Variants in CARD19 observed in about 807,000 individuals in gnomAD.
CARD19 encodes caspase recruitment domain family member 19, also known as caspase recruitment domain-containing protein 19.
Under a neutral mutation model 24.1 loss-of-function variants are expected in CARD19, and 25 were observed. The ratio of observed to expected loss-of-function variants is 1.04; its 90% CI spans 0.76 to 1.45. The LOEUF (loss-of-function observed/expected upper bound fraction) is 1.45. Among genes scored for constraint, CARD19 ranks in the 40% most tolerant of loss-of-function variants. The pLI is 0.00. For synonymous variants in CARD19, 103 were observed against 104.9 expected, an observed-to-expected ratio of 0.98 and a Z score of 0.11; for missense variants, 241 against 247.4, an observed-to-expected ratio of 0.97 and a Z score of 0.17.
At chr9:93,110,922 A>T (rs1827455775) in intron 3 of CARD19, 2 of 1,532,454 alleles carry the variant, frequency 1.3e-6, no homozygotes, top group Non-Finnish European at 1.7e-6. Flanking sequence ...GGCAGTGCAG[A>T]TGTTGGTCTC....
At position 93,098,265 on chromosome 9, in the gene CARD19, T is replaced by A. The variant is rs1233494350; in HGVS notation, c.7+1913T>A. Among the ~76,000 whole-genome samples, 3 of 152,216 alleles carry A rather than the reference T, an allele frequency of 2.0e-5. No individual in the cohort carries two copies. In the South Asian group the frequency reaches 6.2e-4, roughly 32 times the overall value. On this transcript the variant is annotated intron_variant, in intron 1 of 5. Transcript: ENST00000375464. ...GATGACAGGAACTCAGGAAGGCCTT[T>A]TGCACGTAGAACAGCAAGGTGAACA... is the stretch of plus-strand genomic sequence containing the variant.
At chr9:93,101,542 C>T (rs937142263) in intron 1 of CARD19, among the ~76,000 whole-genome samples, 10 of 151,502 alleles carry the variant, frequency 6.6e-5, no homozygotes, top group Non-Finnish European at 1.3e-4. Flanking sequence ...CGGGTTGAAG[C>T]GATTCTCCTG....
In CARD19 at chr9:93,113,144, C is replaced by A; in HGVS notation, c.*37C>A. The A allele has an allele frequency of 1.4e-6, 2 of 1,391,096 alleles. No individual in the cohort carries two copies. The highest frequency in any genetic ancestry group is 2.5e-5 in the East Asian group (1 of 39,644). The allele number at this position is 1,391,096 out of a possible 1,614,324, so 86.2% of individuals were successfully genotyped here. On this transcript the variant is annotated 3_prime_UTR_variant, in exon 6 of 6. Transcript: ENST00000375464. ...CCCAGGGCCTCACCTGCCACTCAAC[C>A]AAAGAGTCCTCGAGCCGGCCCGCCA...
intron 1 of CARD19, among the ~76,000 whole-genome samples, chr9:93,103,699 T>C (rs749936969): frequency 6.6e-6 from 1 of 152,242 alleles, no homozygotes; most frequent in Non-Finnish European, 1.5e-5. Context: ...TATAGGCTCA[T>C]GCTTCTAGAG....
intron 1 of CARD19, 50 bp from the exon 2 acceptor site, chr9:93,107,624 C>T (rs1827310979): frequency 2.5e-6 from 4 of 1,607,500 alleles, no homozygotes; most frequent in Non-Finnish European, 3.4e-6. Context: ...GCTGTCGTCT[C>T]TGGTCCCCTT....
chr9:93,099,304 G>C (rs1826995215), intron 1 of CARD19, among the ~76,000 whole-genome samples: 1 of 152,180 alleles, frequency 6.6e-6, no homozygotes, highest in Non-Finnish European at 1.5e-5. Flanking sequence ...GCGTGCTTTT[G>C]GACTGGCAGG....
At chr9:93,097,522 C>T (rs1381569905) in intron 1 of CARD19, among the ~76,000 whole-genome samples, 2 of 152,208 alleles carry the variant, frequency 1.3e-5, no homozygotes, top group Non-Finnish European at 1.5e-5. Context: ...AATATCTCGT[C>T]TGTGTACAGA....
chr9:93,108,015 C>G (rs980965156), intron 2 of CARD19, among the ~76,000 whole-genome samples, 199 bp downstream of exon 2: 1 of 152,202 alleles, frequency 6.6e-6, no homozygotes, highest in African/African-American at 2.4e-5. Flanking sequence ...GTGAGCCCAA[C>G]CAGGCTCGGA....
chr9:93,109,676 G>C (rs1239272138), intron 2 of CARD19, among the ~76,000 whole-genome samples: 6 of 152,154 alleles, frequency 3.9e-5, no homozygotes, highest in South Asian at 4.1e-4. Context: ...GTGTTGGCCA[G>C]GCTGGTGTCA....
rs557146085 is a variant in CARD19 at position 93,110,685 on chromosome 9, C to T, written c.268C>T (p.Pro90Ser). The change falls in exon 3 of 6, where the codon CCC becomes TCC. Residue 90 changes from proline to serine, a missense_variant. By Grantham distance (74) the Pro-to-Ser change is moderately conservative (BLOSUM62 -1). Coordinates refer to ENST00000375464, the MANE Select transcript of CARD19 (RefSeq NM_032310.5). ...CCGAGCCCTGTATATCCATGCCCAGCCCCTGCACAGCCGCCTGCCCAGCCG... is the reference window on the plus strand; with the variant it reads ...CCGAGCCCTGTATATCCATGCCCAGTCCCTGCACAGCCGCCTGCCCAGCCG... Reference protein sequence around the residue: ...FYRALYIHAQPLHSRLPSRHA... With the variant: ...FYRALYIHAQSLHSRLPSRHA... 1.2e-5 allele frequency: 19 copies of T among 1,612,946 alleles called. No homozygotes were observed. The East Asian group carries it at 3.8e-4, about 32-fold the overall frequency.
chr9:93,108,570 G>A (rs547992555), intron 2 of CARD19, among the ~76,000 whole-genome samples: 2 of 152,254 alleles, frequency 1.3e-5, no homozygotes, highest in South Asian at 4.2e-4. Flanking sequence ...CTGCCCGAGA[G>A]CCCTTGTCGC....
chr9:93,111,630 C>G, intron 3 of CARD19: 1 of 1,373,790 alleles, frequency 7.3e-7, no homozygotes, highest in Non-Finnish European at 9.4e-7. Flanking sequence ...CAGGGCCAAG[C>G]CTTGGCCCCA....
chr9:93,110,400 C>T (rs1254815303), intron 2 of CARD19, 168 bp from the exon 3 acceptor site: 1 of 1,067,914 alleles, frequency 9.4e-7, no homozygotes, highest in Non-Finnish European at 1.3e-6. Context: ...CAATGCCAGG[C>T]ACTATGTGGT....
At chr9:93,098,584 G>A (rs1158000285) in intron 1 of CARD19, among the ~76,000 whole-genome samples, 3 of 152,258 alleles carry the variant, frequency 2.0e-5, no homozygotes, top group Non-Finnish European at 4.4e-5. Context: ...ACAGTTCAGG[G>A]ACTTGTTTAT....
At chr9:93,101,215 C>G (rs1827067558) in intron 1 of CARD19, among the ~76,000 whole-genome samples, 1 of 151,796 alleles carries the variant, frequency 6.6e-6, no homozygotes, top group Non-Finnish European at 1.5e-5. Flanking sequence ...GTAGCTGGCA[C>G]TACAGGCGAG....
chr9:93,105,584 T>C (rs923261826), intron 1 of CARD19, among the ~76,000 whole-genome samples: 5 of 152,172 alleles, frequency 3.3e-5, no homozygotes, highest in African/African-American at 7.2e-5. Context: ...CCTGGCCCCA[T>C]TGGCTGTTTA....
At chr9:93,102,305 T>C (rs1280963240) in intron 1 of CARD19, among the ~76,000 whole-genome samples, 1 of 152,114 alleles carries the variant, frequency 6.6e-6, no homozygotes, top group Non-Finnish European at 1.5e-5. Flanking sequence ...TGATGGCTAG[T>C]TGTATATTTT....
intron 1 of CARD19, among the ~76,000 whole-genome samples, chr9:93,100,264 C>G (rs1193057042): frequency 6.6e-6 from 1 of 152,206 alleles, no homozygotes; most frequent in Non-Finnish European, 1.5e-5. Flanking sequence ...GGAGTGAACC[C>G]AAGAGGGGGC....
chr9:93,113,001 G>T lies in CARD19; in HGVS notation c.446G>T (p.Gly149Val), dbSNP rs1021138035. The T allele has an allele frequency of 2.5e-6, 4 of 1,607,878 alleles. No homozygotes were observed. The highest frequency in any genetic ancestry group is 3.4e-6 in the Non-Finnish European group (4 of 1,176,736). Residue 149 changes from glycine (G) to valine (V), a missense_variant, in exon 6 of 6, where the codon GGC becomes GTC. By Grantham distance (109) the Gly-to-Val change is moderately radical. Coordinates refer to ENST00000375464, the MANE Select transcript of CARD19 (RefSeq NM_032310.5). Reference sequence around the variant, plus strand: ...CCCTTTTGTCTTCTAGACCCCAAGGGCCTGCCAGGGACCCGGCGCGTCCTC... The same window carrying T: ...CCCTTTTGTCTTCTAGACCCCAAGGTCCTGCCAGGGACCCGGCGCGTCCTC... ...LLYCYPPDPKGLPGTRRVLGF... is the reference protein window; with the variant it reads ...LLYCYPPDPKVLPGTRRVLGF...
Sources: gnomAD v4.1 joint callset for allele counts (sites outside exome capture counted in the v4.1 genomes callset) on GRCh38, gnomAD v4.1.1 for gene constraint, MANE v1.5 for transcripts, NCBI Gene and HGNC (gene_info 2026-07-23, HGNC 2026-07-21) for gene names.